EARS2: variants seen among roughly 807,000 people sequenced by gnomAD.
The protein encoded by EARS2 is nondiscriminating glutamyl-tRNA synthetase EARS2, mitochondrial.
EARS2 carries 50 observed loss-of-function variants against 54.1 expected under a neutral mutation model. The observed-to-expected ratio is 0.92, with a 90% confidence interval of 0.74 to 1.17. The LOEUF is 1.17. EARS2 is among the 50% of genes most tolerant of loss of function. The pLI is 0.00. For synonymous variants in EARS2, 298 were observed against 281.0 expected (o/e 1.06, Z -0.61); for missense variants, 673 against 675.0 (o/e 1.00, Z 0.03).
chr16:23,544,563 G>A lies in EARS2; in HGVS notation c.436C>T (p.Arg146Trp), dbSNP rs1965569638. 5.6e-6 allele frequency: 9 copies of A among 1,614,136 alleles called. No homozygotes were observed. Among genetic ancestry groups the A allele is most frequent in the African/African-American group, 1.3e-5 (1 of 75,060 alleles). ...GCCTCCTTCTTCAGGAGCTCCAGCC[G>A]CTGGGGTGAGCAGAAACAGGGGTAA... ...AAYPCFCSPQRLELLKKEALR... is the reference protein window; with the variant it reads ...AAYPCFCSPQWLELLKKEALR... Residue 146 changes from arginine (R) to tryptophan (W), a missense_variant, in exon 3 of 9, where the codon CGG (arginine) becomes TGG (tryptophan). By Grantham distance (101) the Arg-to-Trp change is moderately radical. This residue lies in a region of EARS2 where 316 missense variants were observed against 275.2 expected (regional missense o/e 1.15). Coordinates refer to ENST00000449606, the MANE Select transcript of EARS2 (RefSeq NM_001083614.2).
chr16:23,554,831 C>G (rs1276464727), intron 1 of EARS2, among the ~76,000 whole-genome samples: 6 of 152,190 alleles, frequency 3.9e-5, no homozygotes, highest in African/African-American at 1.4e-4. Context: ...CTTCTATTTC[C>G]TCATCTGTCA....
intron 2 of EARS2, 136 bp from the exon 3 acceptor site, chr16:23,544,839 C>T: frequency 1.2e-6 from 1 of 810,046 alleles, no homozygotes; most frequent in Non-Finnish European, 1.8e-6. Context: ...CAATGTCCTC[C>T]CCGCCGCCTT....
At chr16:23,551,869 G>A (rs558357341) in intron 2 of EARS2, among the ~76,000 whole-genome samples, 5 of 152,240 alleles carry the variant, frequency 3.3e-5, no homozygotes, top group African/African-American at 4.8e-5. Context: ...GCAGTGAGCC[G>A]AGATCGCACC....
At chr16:23,527,760 A>G (rs1259610948) in intron 7 of EARS2, among the ~76,000 whole-genome samples, 1 of 152,000 alleles carries the variant, frequency 6.6e-6, no homozygotes, top group East Asian at 1.9e-4. Flanking sequence ...TCACCGTGTT[A>G]GCCAGGATGG....
At chr16:23,535,804 A>G (rs1467739210) in intron 3 of EARS2, among the ~76,000 whole-genome samples, 1 of 152,218 alleles carries the variant, frequency 6.6e-6, no homozygotes, top group Non-Finnish European at 1.5e-5. Flanking sequence ...AGAAAGCCAC[A>G]GGAGGAAAAT....
chr16:23,535,167 T>G lies in EARS2; in HGVS notation c.679A>C (p.Thr227Pro), dbSNP rs755954246. The change falls in exon 4 of 9, where the codon ACA (threonine) becomes CCA (proline). Residue 227 changes from threonine to proline, a missense_variant. Thr to Pro is a conservative substitution (Grantham distance 38). Around this residue, in one of 3 missense-constraint regions of EARS2, gnomAD observed 19 missense variants for 38.7 expected, o/e 0.49. Transcript: ENST00000449606. ...PVIMKSDGFP[T>P]YHLACVVDDH... ...TCCACCACGCAGGCCAGGTGGTATG[T>G]GGGGAAGCCGTCGCTCTTCATGATG... 9 of 1,613,514 alleles carry G rather than the reference T, an allele frequency of 5.6e-6. No homozygotes were observed. Among genetic ancestry groups the G allele is most frequent in the Non-Finnish European group, 6.8e-6 (8 of 1,179,954 alleles).
intron 4 of EARS2, 40 bp from the exon 5 acceptor site, chr16:23,532,805 C>T: frequency 7.1e-7 from 1 of 1,405,772 alleles, no homozygotes; most frequent in South Asian, 1.2e-5. Context: ...CTTCCTCTCT[C>T]CCTTCCTCCT....
chr16:23,550,866 T>A (rs1965683871), intron 2 of EARS2: 1 of 152,150 alleles, frequency 6.6e-6, no homozygotes, highest in Non-Finnish European at 1.5e-5. Context: ...AGAGTCTTGG[T>A]ATTTTTCCTT....
At chr16:23,549,382 G>A (rs1965657085) in intron 2 of EARS2, among the ~76,000 whole-genome samples, 1 of 152,208 alleles carries the variant, frequency 6.6e-6, no homozygotes, top group South Asian at 2.1e-4. Context: ...GGCAGGTGTG[G>A]GATCCAAGTG....
chr16:23,521,165 A>G lies in EARS2; in HGVS notation c.*3206T>C, dbSNP rs2142154493. The stretch of plus-strand genomic sequence containing the variant: ...AATTTACCATCTCAGTCATTTTTAA[A>G]TATACAGTTCAGCGGCATTACGTAT... On this transcript the variant is annotated 3_prime_UTR_variant, in exon 9 of 9. Transcript: ENST00000449606. 6.6e-6 allele frequency among the ~76,000 whole-genome samples: 1 copy of G among 152,314 alleles called. No individual in the cohort carries two copies. Among genetic ancestry groups the G allele is most frequent in the South Asian group, 2.1e-4 (1 of 4,822 alleles).
intron 5 of EARS2, among the ~76,000 whole-genome samples, chr16:23,531,567 G>C (rs1454658094): frequency 6.6e-6 from 1 of 152,066 alleles, no homozygotes; most frequent in Non-Finnish European, 1.5e-5. Flanking sequence ...GGCCACTTTG[G>C]CTAGTTTCTT....
chr16:23,534,078 C>T (rs188067701), intron 4 of EARS2, among the ~76,000 whole-genome samples: 2 of 151,764 alleles, frequency 1.3e-5, no homozygotes, highest in Admixed American at 6.6e-5. Flanking sequence ...AAGTTAAGAA[C>T]CGTAGTGCTG....
At chr16:23,524,556 A>C in intron 8 of EARS2, 102 bp from the exon 9 acceptor site, 2 of 959,988 alleles carry the variant, frequency 2.1e-6, no homozygotes, top group Non-Finnish European at 3.3e-6. Flanking sequence ...CAGCCCCCAC[A>C]CTGCTGCCTG....
intron 5 of EARS2, among the ~76,000 whole-genome samples, chr16:23,531,969 T>G (rs913987985): frequency 6.6e-6 from 1 of 152,086 alleles, no homozygotes; most frequent in African/African-American, 2.4e-5. Flanking sequence ...GCATGTGCCA[T>G]GTCCAGCTAA....
At chr16:23,556,942 G>A (rs2234423) in intron 1 of EARS2, 41 of 680,972 alleles carry the variant, frequency 6.0e-5, no homozygotes, top group African/African-American at 5.8e-4. Context: ...TACACAGGTT[G>A]TCATCAATGC....
chr16:23,553,952 G>C (rs1279392808), intron 1 of EARS2, among the ~76,000 whole-genome samples: 3 of 151,002 alleles, frequency 2.0e-5, no homozygotes, highest in Non-Finnish European at 4.4e-5. Context: ...GTGCATGACT[G>C]TCCACGTCGT....
chr16:23,547,122 T>C (rs914287419), intron 2 of EARS2, among the ~76,000 whole-genome samples: 2 of 152,224 alleles, frequency 1.3e-5, no homozygotes, highest in Non-Finnish European at 2.9e-5. Context: ...ACTAAAATGC[T>C]CATTCACTAG....
intron 1 of EARS2, chr16:23,556,996 G>A: frequency 1.3e-6 from 1 of 767,024 alleles, no homozygotes; most frequent in Non-Finnish European, 2.2e-6. Context: ...GAGATGGGAT[G>A]GCACAAAAAA....
In EARS2 at chr16:23,522,997, C is replaced by G. The variant is rs977793971; in HGVS notation, c.*1374G>C. 6.6e-6 allele frequency: 1 copy of G among 152,146 alleles called. No individual in the cohort carries two copies. The highest frequency in any genetic ancestry group is 2.4e-5 in the African/African-American group (1 of 41,440). The allele number at this position is 152,146 out of a possible 1,614,324, so 9.4% of individuals were successfully genotyped here. ...TTCATGACCTGGAAGCTGGCTTCCC[C>G]CAAAGTAAGCGATCAAAGAAAACAA... On this transcript the variant is annotated 3_prime_UTR_variant, in exon 9 of 9. Coordinates refer to ENST00000449606, the MANE Select transcript of EARS2 (RefSeq NM_001083614.2).
Sources: gnomAD v4.1 joint callset for allele counts (sites outside exome capture counted in the v4.1 genomes callset) on GRCh38, gnomAD v4.1.1 for gene constraint, gnomAD v4.1.1 regional missense constraint, MANE v1.5 for transcripts, NCBI Gene and HGNC (gene_info 2026-07-23, HGNC 2026-07-21) for gene names.